ZC3H3: variants seen among roughly 807,000 people sequenced by gnomAD.
The protein encoded by ZC3H3 is zinc finger CCCH domain-containing protein 3.
Under a neutral mutation model 77.3 loss-of-function variants are expected in ZC3H3, and 36 were observed. The ratio of observed to expected loss-of-function variants is 0.47; its 90% CI spans 0.36 to 0.61. The LOEUF is 0.61. Among genes scored for constraint, ZC3H3 ranks in the 20% least tolerant of loss-of-function variants. The pLI is 0.00. For synonymous variants in ZC3H3, 626 were observed against 555.2 expected, an observed-to-expected ratio of 1.13 and a Z score of -1.79; for missense variants, 1,331 against 1,312.2, an observed-to-expected ratio of 1.01 and a Z score of -0.22.
At position 143,538,326 on chromosome 8, in the gene ZC3H3, C is replaced by T. The variant is rs2130522696; in HGVS notation, c.1041G>A (p.Lys347=). 2 of 1,613,000 alleles carry T rather than the reference C, an allele frequency of 1.2e-6. No individual in the cohort carries two copies. The highest frequency in any genetic ancestry group is 1.1e-5 in the South Asian group (1 of 91,090). The change falls in exon 2 of 12, where the codon AAG becomes AAA. Residue 347 remains lysine, a synonymous_variant. Coordinates refer to ENST00000262577, the MANE Select transcript of ZC3H3 (RefSeq NM_015117.3). ...VCKASAGMAN[K]VEKPQLIADP... Reference sequence around the variant, plus strand: ...CAGCTATGAGCTGCGGCTTCTCCACCTTGTTTGCCATGCCAGCAGAGGCCT... The same window carrying T: ...CAGCTATGAGCTGCGGCTTCTCCACTTTGTTTGCCATGCCAGCAGAGGCCT...
chr8:143,474,666 G>T (rs61251648), intron 5 of ZC3H3, among the ~76,000 whole-genome samples: 1 of 152,048 alleles, frequency 6.6e-6, no homozygotes, highest in African/African-American at 2.4e-5. Flanking sequence ...CAGGCGGGTC[G>T]GGGAGCCAGC....
intron 5 of ZC3H3, among the ~76,000 whole-genome samples, chr8:143,471,372 T>C (rs1375991896): frequency 1.3e-5 from 2 of 151,794 alleles, no homozygotes; most frequent in African/African-American, 2.4e-5. Flanking sequence ...CCAGGGAGGG[T>C]GGGCAGGTGA....
At chr8:143,535,341 G>A (rs1323241077) in intron 3 of ZC3H3, among the ~76,000 whole-genome samples, 3 of 152,160 alleles carry the variant, frequency 2.0e-5, no homozygotes, top group Non-Finnish European at 4.4e-5. Context: ...GCCCAGCCTT[G>A]GCTAGATTTC....
chr8:143,468,675 G>A lies in ZC3H3; in HGVS notation c.1904-16C>T, dbSNP rs1463868014. On this transcript the variant is annotated splice_polypyrimidine_tract_variant and intron_variant, in intron 5 of 11. Coordinates refer to ENST00000262577, the MANE Select transcript of ZC3H3 (RefSeq NM_015117.3). ...TCCAGCCGGCCTGTGGGGGAGAGAGGCACGGGTCATAGCAGGCCACAGCCT... is the reference window on the plus strand; with the variant it reads ...TCCAGCCGGCCTGTGGGGGAGAGAGACACGGGTCATAGCAGGCCACAGCCT... 3.9e-6 allele frequency: 6 copies of A among 1,547,944 alleles called. No individual in the cohort carries two copies. In the African/African-American group the frequency reaches 5.5e-5, roughly 14 times the overall value.
intron 3 of ZC3H3, among the ~76,000 whole-genome samples, chr8:143,531,578 A>T (rs1461408791): frequency 6.6e-6 from 1 of 152,236 alleles, no homozygotes; most frequent in East Asian, 1.9e-4. Context: ...TGCCAAATAA[A>T]TTGTGTACAG....
Position 143,515,155 on chromosome 8 carries a change from C to T in ZC3H3, c.1562-7256G>A, listed in dbSNP as rs549230275. On this transcript the variant is annotated intron_variant, in intron 3 of 11. Transcript: ENST00000262577. ...CAGGCCTGCCATGGGGCTCCCGCCTCGCTCCCCGATCCGGAAGCCCAGCCT... is the reference window on the plus strand; with the variant it reads ...CAGGCCTGCCATGGGGCTCCCGCCTTGCTCCCCGATCCGGAAGCCCAGCCT... Among the ~76,000 whole-genome samples the T allele has an allele frequency of 4.6e-5, 7 of 152,376 alleles. No homozygotes were observed. In the East Asian group the frequency reaches 9.6e-4, roughly 21 times the overall value.
At chr8:143,523,239 A>T in intron 3 of ZC3H3, 1 of 904,270 alleles carries the variant, frequency 1.1e-6, no homozygotes, top group Non-Finnish European at 1.3e-6. Context: ...CACACCTCCC[A>T]CTGCACACAA....
chr8:143,502,651 T>C (rs1430107969), intron 4 of ZC3H3, among the ~76,000 whole-genome samples: 1 of 152,174 alleles, frequency 6.6e-6, no homozygotes, highest in Non-Finnish European at 1.5e-5. Context: ...GTCAAATGAA[T>C]TTGGAAAGAG....
At chr8:143,469,520 ATGC>A (rs1329162994) in intron 5 of ZC3H3, among the ~76,000 whole-genome samples, 1 of 152,216 alleles carries the variant, frequency 6.6e-6, no homozygotes. Context: ...GCCTCATCAG[ATGC>A]TCCTCAAAAC....
chr8:143,522,885 A>C (rs1822295301), intron 3 of ZC3H3, among the ~76,000 whole-genome samples: 1 of 152,106 alleles, frequency 6.6e-6, no homozygotes, highest in Non-Finnish European at 1.5e-5. Context: ...GCGCCCCTGC[A>C]CTCCAGCCTT....
intron 9 of ZC3H3, among the ~76,000 whole-genome samples, chr8:143,448,120 C>A (rs1199751785): frequency 6.6e-6 from 1 of 151,946 alleles, no homozygotes; most frequent in Non-Finnish European, 1.5e-5. Flanking sequence ...GAGTGAAACT[C>A]TGTCTCAAAA....
chr8:143,469,911 A>G (rs1366314490), intron 5 of ZC3H3, among the ~76,000 whole-genome samples: 1 of 152,224 alleles, frequency 6.6e-6, no homozygotes, highest in Non-Finnish European at 1.5e-5. Flanking sequence ...GGCAGAGGTG[A>G]CATCACTCAG....
At chr8:143,500,905 T>C (rs1389743863) in intron 4 of ZC3H3, among the ~76,000 whole-genome samples, 3 of 151,048 alleles carry the variant, frequency 2.0e-5, no homozygotes, top group Non-Finnish European at 4.4e-5. Context: ...CCTCTGCATC[T>C]GGGTTCAAGC....
At chr8:143,467,220 T>C (rs1029217301) in intron 8 of ZC3H3, among the ~76,000 whole-genome samples, 3 of 152,212 alleles carry the variant, frequency 2.0e-5, no homozygotes, top group Admixed American at 6.5e-5. Context: ...AAGCCAACTC[T>C]ACAGCAAACG....
intron 3 of ZC3H3, among the ~76,000 whole-genome samples, chr8:143,509,563 C>A (rs1223750799): frequency 6.6e-6 from 1 of 152,258 alleles, no homozygotes; most frequent in Non-Finnish European, 1.5e-5. Flanking sequence ...TGCCAGCCTG[C>A]AGCCTGCTTC....
intron 3 of ZC3H3, among the ~76,000 whole-genome samples, chr8:143,520,070 T>C (rs1165574988): frequency 6.6e-6 from 1 of 152,202 alleles, no homozygotes; most frequent in Non-Finnish European, 1.5e-5. Flanking sequence ...GGTGGGCTTC[T>C]TCGGGGCTCA....
chr8:143,491,127 T>A (rs1178842411), intron 4 of ZC3H3, among the ~76,000 whole-genome samples: 1 of 152,084 alleles, frequency 6.6e-6, no homozygotes, highest in African/African-American at 2.4e-5. Flanking sequence ...CACACACATA[T>A]CCACGGCTGG....
intron 5 of ZC3H3, among the ~76,000 whole-genome samples, chr8:143,472,826 C>G (rs757099365): frequency 1.2e-4 from 18 of 152,324 alleles, no homozygotes; most frequent in Middle Eastern, 3.4e-3. Context: ...AAGGACGCAC[C>G]GCGACCTGGG....
chr8:143,453,188 C>T (rs1459862441), intron 9 of ZC3H3, among the ~76,000 whole-genome samples: 1 of 152,202 alleles, frequency 6.6e-6, no homozygotes, highest in South Asian at 2.1e-4. Context: ...AGCAATCCTC[C>T]CAACTCAGCC....
Sources: gnomAD v4.1 joint callset for allele counts (sites outside exome capture counted in the v4.1 genomes callset) on GRCh38, gnomAD v4.1.1 for gene constraint, MANE v1.5 for transcripts, NCBI Gene and HGNC (gene_info 2026-07-23, HGNC 2026-07-21) for gene names.